Variants in MSRA observed in about 807,000 individuals in gnomAD.
The protein encoded by MSRA is methionine sulfoxide reductase A.
Under a neutral mutation model 31.3 loss-of-function variants are expected in MSRA, and 54 were observed. The ratio of observed to expected loss-of-function variants is 1.73; its 90% CI spans 1.39 to 2.17. The LOEUF (loss-of-function observed/expected upper bound fraction) is 2.17. MSRA is among the 30% of genes most tolerant of loss of function. The pLI, the probability that MSRA is intolerant of heterozygous loss-of-function variation, is 0.00. For synonymous variants in MSRA, 169 were observed against 116.5 expected, an observed-to-expected ratio of 1.45 and a Z score of -2.90; for missense variants, 507 against 300.9, an observed-to-expected ratio of 1.69 and a Z score of -5.07.
intron 2 of MSRA, among the ~76,000 whole-genome samples, chr8:10,235,218 T>A (rs1811845772): frequency 6.6e-6 from 1 of 152,094 alleles, no homozygotes; most frequent in Admixed American, 6.5e-5. Flanking sequence ...AAGACCACAT[T>A]CTCTAACATG....
chr8:10,322,932 A>T (rs185377175), intron 5 of MSRA, among the ~76,000 whole-genome samples: 108 of 152,242 alleles, frequency 7.1e-4, no homozygotes, highest in African/African-American at 2.5e-3. Context: ...TCTACTAAAA[A>T]TACAAAAATT....
At chr8:10,113,279 G>A (rs1328312393) in intron 1 of MSRA, among the ~76,000 whole-genome samples, 1 of 28,746 alleles carries the variant, frequency 3.5e-5, no homozygotes, top group African/African-American at 6.9e-5. Flanking sequence ...TGGCTTTGGT[G>A]AAGACAGGTC....
intron 1 of MSRA, among the ~76,000 whole-genome samples, chr8:10,146,838 G>T (rs1004382008): frequency 6.6e-6 from 1 of 152,200 alleles, no homozygotes; most frequent in African/African-American, 2.4e-5. Flanking sequence ...GAGAGGTGGG[G>T]CTTTATCTTA....
intron 5 of MSRA, among the ~76,000 whole-genome samples, chr8:10,427,418 A>T (rs1809246275): frequency 6.6e-6 from 1 of 152,112 alleles, no homozygotes; most frequent in Non-Finnish European, 1.5e-5. Flanking sequence ...CTGGCAGCAG[A>T]TGTCACCGGG....
rs564957340 is a variant in MSRA at position 10,118,778 on chromosome 8, A to G, written c.142+64120A>G. On this transcript the variant is annotated intron_variant, in intron 1 of 5. Transcript: ENST00000317173. ...CAAAACCAGCTCCTCTGTTACCTCCAATGTGGCACTCTTTTCTAAGCTACC... is the reference window on the plus strand; with the variant it reads ...CAAAACCAGCTCCTCTGTTACCTCCGATGTGGCACTCTTTTCTAAGCTACC... Among the ~76,000 whole-genome samples the G allele has an allele frequency of 2.6e-4, 40 of 152,208 alleles. 1 individual carries two copies. The Middle Eastern group carries it at 0.014, about 52-fold the overall frequency.
intron 5 of MSRA, among the ~76,000 whole-genome samples, chr8:10,409,505 G>T (rs1006712984): frequency 6.6e-6 from 1 of 152,162 alleles, no homozygotes; most frequent in Admixed American, 6.5e-5. Flanking sequence ...GACTGCCTGG[G>T]TTGAAATACT....
intron 2 of MSRA, among the ~76,000 whole-genome samples, chr8:10,211,245 G>C (rs1809467991): frequency 6.6e-6 from 1 of 152,106 alleles, no homozygotes; most frequent in Admixed American, 6.5e-5. Context: ...TCATATCAAG[G>C]GATCAGAGAA....
chr8:10,057,732 C>T (rs1288465617), intron 1 of MSRA, among the ~76,000 whole-genome samples: 2 of 152,168 alleles, frequency 1.3e-5, no homozygotes, highest in East Asian at 1.9e-4. Context: ...CTCTCTCGTT[C>T]TCTCCTGCTC....
intron 1 of MSRA, among the ~76,000 whole-genome samples, chr8:10,079,627 G>C (rs1007641871): frequency 5.9e-5 from 9 of 152,168 alleles, no homozygotes; most frequent in African/African-American, 2.2e-4. Flanking sequence ...CTTCCCCGCA[G>C]TGTCCCTCCC....
intron 3 of MSRA, among the ~76,000 whole-genome samples, chr8:10,278,911 C>T (rs570698235): frequency 1.3e-5 from 2 of 152,122 alleles, no homozygotes; most frequent in Non-Finnish European, 2.9e-5. Flanking sequence ...CTTACTGGCA[C>T]CATGTAGGTG....
intron 1 of MSRA, among the ~76,000 whole-genome samples, chr8:10,116,519 AGG>A (rs2129015993): frequency 6.6e-6 from 1 of 152,336 alleles, no homozygotes; most frequent in South Asian, 2.1e-4. Context: ...CTTGCCCTTG[AGG>A]CTTCTACAGA....
chr8:10,340,881 G>C (rs965954643), intron 5 of MSRA, among the ~76,000 whole-genome samples: 2 of 152,208 alleles, frequency 1.3e-5, no homozygotes, highest in Non-Finnish European at 2.9e-5. Context: ...TTCACAGAAA[G>C]AACAGTTCTT....
chr8:10,410,582 C>T (rs975044244), intron 5 of MSRA, among the ~76,000 whole-genome samples: 1 of 152,172 alleles, frequency 6.6e-6, no homozygotes, highest in Admixed American at 6.5e-5. Flanking sequence ...CCCCCTCTTA[C>T]AGAAGAGAAG....
intron 4 of MSRA, among the ~76,000 whole-genome samples, chr8:10,308,057 C>G (rs1274099354): frequency 5.9e-5 from 9 of 152,286 alleles, no homozygotes; most frequent in Admixed American, 5.9e-4. Flanking sequence ...CATCACGAAG[C>G]CCAGGGATGG....
At chr8:10,067,977 A>G (rs1490775941) in intron 1 of MSRA, among the ~76,000 whole-genome samples, 1 of 138,736 alleles carries the variant, frequency 7.2e-6, no homozygotes, top group African/African-American at 2.7e-5. Context: ...TCTGCCTCCC[A>G]GGCCCGAGTG....
intron 3 of MSRA, among the ~76,000 whole-genome samples, chr8:10,293,889 C>G (rs1240422692): frequency 1.3e-5 from 2 of 152,160 alleles, no homozygotes; most frequent in African/African-American, 4.8e-5. Flanking sequence ...ACCAGTGGTT[C>G]ACAACCTTTC....
chr8:10,200,262 C>G (rs977984738), intron 1 of MSRA, among the ~76,000 whole-genome samples: 1 of 152,194 alleles, frequency 6.6e-6, no homozygotes, highest in Non-Finnish European at 1.5e-5. Context: ...TGAATGACAC[C>G]TGATTTGTTT....
chr8:10,277,067 T>G (rs995150234), intron 3 of MSRA, among the ~76,000 whole-genome samples: 8 of 152,236 alleles, frequency 5.3e-5, no homozygotes, highest in Admixed American at 3.9e-4. Flanking sequence ...ACCTCATTAC[T>G]TGAGACCTAG....
chr8:10,216,408 T>G (rs183128983), intron 2 of MSRA, among the ~76,000 whole-genome samples: 2 of 150,988 alleles, frequency 1.3e-5, no homozygotes, highest in Admixed American at 1.3e-4. Flanking sequence ...TTTAAAAAAT[T>G]GTGGTAACAG....
Sources: allele counts gnomAD v4.1 joint callset (sites outside exome capture counted in the v4.1 genomes callset), GRCh38; gene constraint gnomAD v4.1.1; transcripts MANE v1.5; gene names NCBI Gene and HGNC (gene_info 2026-07-23, HGNC 2026-07-21).